The following KSR2 variants were observed in gnomAD, a reference collection of about 807,000 sequenced individuals.
KSR2 encodes kinase suppressor of ras 2.
A neutral mutation model predicts 107.8 loss-of-function variants in KSR2; 25 were observed. The observed-to-expected ratio is 0.23, with a 90% CI of 0.17 to 0.32. The LOEUF is 0.32. Ranked by LOEUF, KSR2 falls within the 10% of genes least tolerant of loss-of-function variation. The pLI is 1.00. For missense variants in KSR2, 887 were observed against 1,268.9 expected, an observed-to-expected ratio of 0.70 and a Z score of 4.57; for synonymous variants, 480 against 507.0, an observed-to-expected ratio of 0.95 and a Z score of 0.71.
At chr12:117,469,829 A>G (rs775023813) in intron 18 of KSR2, 34 bp from the exon 19 acceptor site, 1 of 1,609,036 alleles carries the variant, frequency 6.2e-7, no homozygotes, top group African/African-American at 1.3e-5. Flanking sequence ...ATTACACATA[A>G]ATGGTGATTT....
chr12:117,912,442 C>T (rs190854911), intron 1 of KSR2, among the ~76,000 whole-genome samples: 1 of 152,190 alleles, frequency 6.6e-6, no homozygotes, highest in Non-Finnish European at 1.5e-5. Context: ...GTACAGCAGA[C>T]CTTTGCCAGT....
At chr12:117,735,749 G>T (rs936975278) in intron 4 of KSR2, among the ~76,000 whole-genome samples, 2 of 152,138 alleles carry the variant, frequency 1.3e-5, no homozygotes, top group Non-Finnish European at 2.9e-5. Context: ...AGGCCACAGG[G>T]TGCCCTATAA....
chr12:117,636,256 G>A (rs538429775), intron 5 of KSR2, among the ~76,000 whole-genome samples: 7 of 151,818 alleles, frequency 4.6e-5, no homozygotes, highest in South Asian at 4.2e-4. Context: ...GGAAATATCC[G>A]TATATCAATG....
intron 5 of KSR2, among the ~76,000 whole-genome samples, chr12:117,642,001 T>C (rs560689093): frequency 3.1e-4 from 47 of 152,296 alleles, no homozygotes; most frequent in Admixed American, 1.2e-3. Context: ...CCTTCTGCCT[T>C]AAATGCACTT....
At chr12:117,677,966 G>A (rs141020157) in intron 4 of KSR2, among the ~76,000 whole-genome samples, 317 of 152,110 alleles carry the variant, frequency 2.1e-3, no homozygotes, top group African/African-American at 6.6e-3. Context: ...ACAGAGTCTC[G>A]CTCTGTTGAC....
At chr12:117,802,328 AC>A (rs1339852921) in intron 3 of KSR2, among the ~76,000 whole-genome samples, 1 of 152,050 alleles carries the variant, frequency 6.6e-6, no homozygotes, top group East Asian at 1.9e-4. Context: ...GACTTTGAGC[AC>A]GGCTAGATCA....
intron 1 of KSR2, among the ~76,000 whole-genome samples, chr12:117,865,525 T>A (rs1893440137): frequency 1.3e-5 from 2 of 152,246 alleles, no homozygotes; most frequent in African/African-American, 4.8e-5. Context: ...TATCAACTTC[T>A]TTTCTTTTCT....
chr12:117,616,637 G>A (rs1881905294), intron 5 of KSR2, among the ~76,000 whole-genome samples: 1 of 152,170 alleles, frequency 6.6e-6, no homozygotes, highest in South Asian at 2.1e-4. Context: ...TGCATTGCCA[G>A]CTCAGCTCCT....
At chr12:117,537,160 C>T (rs1057201815) in intron 10 of KSR2, among the ~76,000 whole-genome samples, 2 of 152,154 alleles carry the variant, frequency 1.3e-5, no homozygotes, top group Middle Eastern at 6.3e-3. Flanking sequence ...TTGCAGTGAA[C>T]CAAGATCGCA....
At chr12:117,713,014 TAGAG>T (rs1456635313) in intron 4 of KSR2, among the ~76,000 whole-genome samples, 4 of 150,264 alleles carry the variant, frequency 2.7e-5, no homozygotes, top group Non-Finnish European at 4.4e-5. Context: ...TGTATCTATA[TAGAG>T]AGAAATATGT....
rs184966567 is a variant in KSR2, at chr12:117,936,883, A to C, written c.180+31193T>G. ...CCATAAGCTGGGATGAAGCTGACCC[A>C]GGAAAAAGGAAACAGGTCTGAAAAA... On this transcript the variant is annotated intron_variant, in intron 1 of 19. Transcript: ENST00000339824. Among the ~76,000 whole-genome samples the C allele has an allele frequency of 3.9e-3, 591 of 152,336 alleles. 1 individual carries two copies. The highest frequency in any genetic ancestry group is 0.014 in the African/African-American group (562 of 41,588).
chr12:117,954,355 T>C (rs1896448214), intron 1 of KSR2, among the ~76,000 whole-genome samples: 1 of 152,204 alleles, frequency 6.6e-6, no homozygotes, highest in African/African-American at 2.4e-5. Flanking sequence ...CCCCATACTT[T>C]GTTATCCAAC....
At chr12:117,582,142 T>C in intron 6 of KSR2, 148 bp downstream of exon 6, 1 of 627,006 alleles carries the variant, frequency 1.6e-6, no homozygotes, top group Non-Finnish European at 2.8e-6. Flanking sequence ...CACTTTAAAG[T>C]TTAGCCGAGC....
Position 117,462,907 on chromosome 12 carries a change from T to C in KSR2, c.*4292A>G, listed in dbSNP as rs1316689916. The C allele has an allele frequency of 1.3e-5, 2 of 152,182 alleles. No homozygotes were observed. Among genetic ancestry groups the C allele is most frequent in the Non-Finnish European group, 2.9e-5 (2 of 68,066 alleles). 9.4% of individuals were successfully genotyped at this position (152,182 alleles called of 1,614,324 possible). A position where few individuals can be genotyped will look rare whatever the true frequency, so the allele number is the denominator to read the frequency against. ...TCTTTATCAGAAGAGGAGGAGATAC[T>C]GGGGATGTGCAGTCACAGAGGAAAG... On this transcript the variant is annotated 3_prime_UTR_variant, in exon 20 of 20. Transcript: ENST00000339824.
chr12:117,732,863 G>C (rs895665073), intron 4 of KSR2, among the ~76,000 whole-genome samples: 3 of 152,134 alleles, frequency 2.0e-5, no homozygotes, highest in Admixed American at 2.0e-4. Context: ...AGGGGATGTA[G>C]GCCAGGAGGC....
chr12:117,753,268 C>A (rs970830974), intron 4 of KSR2, among the ~76,000 whole-genome samples: 1 of 152,098 alleles, frequency 6.6e-6, no homozygotes. Flanking sequence ...TTTTCATAAG[C>A]GCAGATATGG....
At chr12:117,601,296 G>C (rs1364794618) in intron 5 of KSR2, among the ~76,000 whole-genome samples, 2 of 8,222 alleles carry the variant, frequency 2.4e-4, no homozygotes, top group African/African-American at 8.9e-4. Flanking sequence ...CCAAGATCTT[G>C]GGGGGGGGGG....
At chr12:117,667,709 A>C in intron 4 of KSR2, 51 bp from the exon 5 acceptor site, 1 of 1,452,348 alleles carries the variant, frequency 6.9e-7, no homozygotes, top group Non-Finnish European at 9.2e-7. Context: ...ATAGGTGCAC[A>C]AAGTTACAGC....
chr12:117,824,841 A>G (rs1373412041), intron 3 of KSR2, among the ~76,000 whole-genome samples: 2 of 134,294 alleles, frequency 1.5e-5, no homozygotes, highest in Non-Finnish European at 3.2e-5. Flanking sequence ...TGGGCGACAG[A>G]GCGAGACTCT....
Sources: allele counts gnomAD v4.1 joint callset (sites outside exome capture counted in the v4.1 genomes callset), GRCh38; gene constraint gnomAD v4.1.1; transcripts MANE v1.5; gene names NCBI Gene and HGNC (gene_info 2026-07-23, HGNC 2026-07-21).